NUP160: variants seen among roughly 807,000 people sequenced by gnomAD.
The protein encoded by NUP160 is nucleoporin 160, also known as nuclear pore complex protein Nup160.
NUP160 carries 94 observed loss-of-function variants against 196.9 expected under a neutral mutation model. The ratio of observed to expected loss-of-function variants is 0.48; its 90% CI spans 0.40 to 0.57. The LOEUF (loss-of-function observed/expected upper bound fraction) is 0.57, where lower values mean the gene tolerates loss of function less well. Among genes scored for constraint, NUP160 ranks in the 20% least tolerant of loss-of-function variants. The pLI is 0.00. For synonymous variants in NUP160, 605 were observed against 619.7 expected (o/e 0.98, Z 0.35); for missense variants, 1,638 against 1,748.3 (o/e 0.94, Z 1.13).
Position 47,812,740 on chromosome 11 carries a change from A to G in NUP160, c.1952+142T>C, listed in dbSNP as rs1041900699. The G allele has an allele frequency of 2.7e-4, 175 of 642,442 alleles. No individual in the cohort carries two copies. The Middle Eastern group carries it at 2.8e-3, about 10-fold the overall frequency. The allele number at this position is 642,442 out of a possible 1,614,324, so 39.8% of individuals were successfully genotyped here. On this transcript the variant is annotated intron_variant, in intron 15 of 35. Transcript: ENST00000378460. The stretch of plus-strand genomic sequence containing the variant: ...GTTAAATTTTCTGTTAAAAGTAGAA[A>G]TATGTACTTAGAATCATGGCGCATC...
At chr11:47,812,023 A>G in intron 17 of NUP160, 41 bp downstream of exon 17, 1 of 1,601,802 alleles carries the variant, frequency 6.2e-7, no homozygotes, top group Middle Eastern at 1.7e-4. Flanking sequence ...GGCCTATAAC[A>G]GGTTTTAGAT....
intron 27 of NUP160, among the ~76,000 whole-genome samples, chr11:47,793,379 GC>G (rs930710022): frequency 7.3e-5 from 11 of 151,638 alleles, no homozygotes; most frequent in Admixed American, 2.0e-4. Context: ...TGTAACCCCT[GC>G]CCCCCCTCCC....
intron 7 of NUP160, among the ~76,000 whole-genome samples, chr11:47,833,782 T>C (rs1398355180): frequency 6.6e-6 from 1 of 150,604 alleles, no homozygotes; most frequent in African/African-American, 2.4e-5. Context: ...GCCAATATGG[T>C]GGGCACTGTG....
At chr11:47,848,456 C>T (rs1369316641) in exon 1 of NUP160, 1 of 1,465,522 alleles carries the variant, frequency 6.8e-7, no homozygotes, top group Non-Finnish European at 9.1e-7. Flanking sequence ...CCCTTCGTTG[C>T]GAGGCTTCCA....
At chr11:47,810,551 T>G (rs1037010976) in intron 17 of NUP160, among the ~76,000 whole-genome samples, 2 of 149,980 alleles carry the variant, frequency 1.3e-5, no homozygotes, top group African/African-American at 4.9e-5. Context: ...ATAATTTCTT[T>G]TTTTTTTTTT....
chr11:47,838,707 CAAAA>C (rs1041668901), intron 4 of NUP160, among the ~76,000 whole-genome samples: 1 of 151,484 alleles, frequency 6.6e-6, no homozygotes, highest in African/African-American at 2.4e-5. Flanking sequence ...GACTCTGTCT[CAAAA>C]GAAAGAAAGA....
chr11:47,804,572 T>C, exon 21 of NUP160: 1 of 1,537,748 alleles, frequency 6.5e-7, no homozygotes, highest in East Asian at 2.6e-5. Flanking sequence ...TATTGGCAAT[T>C]TCCCATCAAA....
chr11:47,791,093 C>T (rs1318816011), intron 29 of NUP160, among the ~76,000 whole-genome samples: 2 of 151,980 alleles, frequency 1.3e-5, no homozygotes, highest in Admixed American at 1.3e-4. Flanking sequence ...ATATATTTTG[C>T]AAAAAGCACA....
chr11:47,795,348 G>A (rs541887018), intron 27 of NUP160, among the ~76,000 whole-genome samples: 1 of 152,100 alleles, frequency 6.6e-6, no homozygotes, highest in Non-Finnish European at 1.5e-5. Context: ...TTGCTAAACT[G>A]GTACTAAGCA....
Position 47,839,827 on chromosome 11 carries a change from C to T in NUP160, c.748+16G>A, listed in dbSNP as rs1599348972. On this transcript the variant is annotated intron_variant, in intron 4 of 35. Coordinates refer to ENST00000378460, the Ensembl canonical transcript of NUP160. ...CCTTGTTTAAAGTTAAATCCATGCT[C>T]AGTTCCCATTCTTACCAGGTATGTC... is the stretch of plus-strand genomic sequence containing the variant. 1.3e-6 allele frequency: 2 copies of T among 1,585,612 alleles called. No individual in the cohort carries two copies. The highest frequency in any genetic ancestry group is 2.2e-5 in the East Asian group (1 of 44,756).
chr11:47,842,819 A>C (rs547503295), intron 2 of NUP160, among the ~76,000 whole-genome samples: 1 of 152,072 alleles, frequency 6.6e-6, no homozygotes, highest in African/African-American at 2.4e-5. Flanking sequence ...GCAAAACCCT[A>C]TCTCTACAAA....
chr11:47,783,232 A>G, intron 33 of NUP160, 34 bp from the exon 34 acceptor site: 1 of 1,604,024 alleles, frequency 6.2e-7, no homozygotes, highest in Non-Finnish European at 8.5e-7. Context: ...ATATGTACCT[A>G]TTTCCCTCCT....
In NUP160 at chr11:47,839,945, C is replaced by T. The variant is rs1200763037; in HGVS notation, c.646G>A (p.Ala216Thr). 5 of 1,614,054 alleles carry T rather than the reference C, an allele frequency of 3.1e-6. No individual in the cohort carries two copies. Among genetic ancestry groups the T allele is most frequent in the Middle Eastern group, 1.7e-4 (1 of 6,060 alleles). Residue 216 changes from alanine to threonine, a missense_variant, in exon 4 of 36, where the codon GCC becomes ACC. This residue lies in a region of NUP160 where 1,345 missense variants were observed against 1,470.2 expected (regional missense o/e 0.91). Coordinates refer to ENST00000378460, the Ensembl canonical transcript of NUP160. Reference sequence around the variant, plus strand: ...TCACTGCTGAGCCAGGCTGTAGAGGCGGTGGAATTAGGAGATATTCCAGGT... The same window carrying T: ...TCACTGCTGAGCCAGGCTGTAGAGGTGGTGGAATTAGGAGATATTCCAGGT...
In NUP160 at chr11:47,783,630, T is replaced by C. The variant is rs138362021; in HGVS notation, c.3991-432A>G. ...AATCACCAGCTTTAAATCTGAAGTC[T>C]CTATTTGGAAGAGCTCTATTAATTA... On this transcript the variant is annotated intron_variant, in intron 33 of 35. Coordinates refer to ENST00000378460, the Ensembl canonical transcript of NUP160. Among the ~76,000 whole-genome samples, 438 of 152,288 alleles carry C rather than the reference T, an allele frequency of 2.9e-3. 4 individuals carry two copies. Among genetic ancestry groups the C allele is most frequent in the African/African-American group, 9.9e-3 (413 of 41,556 alleles).
chr11:47,792,889 C>G (rs747949018), exon 28 of NUP160: 47 of 1,614,078 alleles, frequency 2.9e-5, no homozygotes, highest in Non-Finnish European at 4.0e-5. Flanking sequence ...CTCAAGTCCC[C>G]GGAGAGTTCG....
At chr11:47,783,154 G>A in exon 34 of NUP160, 1 of 1,613,698 alleles carries the variant, frequency 6.2e-7, no homozygotes, top group South Asian at 1.1e-5. Context: ...CTTCTAAAAG[G>A]TCATAGTTTA....
intron 7 of NUP160, among the ~76,000 whole-genome samples, chr11:47,831,001 A>T (rs1038118588): frequency 1.3e-5 from 2 of 152,116 alleles, no homozygotes; most frequent in African/African-American, 4.8e-5. Flanking sequence ...CCGTCTCTAC[A>T]AAAACACAAA....
intron 32 of NUP160, among the ~76,000 whole-genome samples, chr11:47,785,830 C>T (rs916989101): frequency 2.0e-5 from 3 of 152,192 alleles, no homozygotes; most frequent in Non-Finnish European, 4.4e-5. Flanking sequence ...TGTCAGAGAA[C>T]TTCCAAATTC....
rs1186157388 is a variant in NUP160 at position 47,840,149 on chromosome 11, T to G, written c.526-84A>C. Reference sequence around the variant, plus strand: ...TTCCTCTCTATTGCTAAAAAAGTTTTTAAAGTAAAAAACTGTCAAGTTTAA... The same window carrying G: ...TTCCTCTCTATTGCTAAAAAAGTTTGTAAAGTAAAAAACTGTCAAGTTTAA... On this transcript the variant is annotated intron_variant, in intron 3 of 35. Transcript: ENST00000378460. 3 of 1,076,442 alleles carry G rather than the reference T, an allele frequency of 2.8e-6. No individual in the cohort carries two copies. In the Admixed American group the frequency reaches 7.0e-5, roughly 25 times the overall value. The allele number at this position is 1,076,442 out of a possible 1,614,324, so 66.7% of individuals were successfully genotyped here. A position where few individuals can be genotyped will look rare whatever the true frequency, so the allele number is the denominator to read the frequency against.
Sources: gnomAD v4.1 joint callset for allele counts (sites outside exome capture counted in the v4.1 genomes callset) on GRCh38, gnomAD v4.1.1 for gene constraint, gnomAD v4.1.1 regional missense constraint, MANE v1.5 for transcripts, NCBI Gene and HGNC (gene_info 2026-07-23, HGNC 2026-07-21) for gene names.